ULK4: variants seen among roughly 807,000 people sequenced by gnomAD.
ULK4 encodes the protein inactive serine/threonine-protein kinase ULK4.
Under a neutral mutation model 160.6 loss-of-function variants are expected in ULK4, and 133 were observed. The ratio of observed to expected loss-of-function variants is 0.83; its 90% CI spans 0.72 to 0.96. ULK4 has a LOEUF of 0.96. Among genes scored for constraint, ULK4 ranks in the 40% least tolerant of loss-of-function variants. ULK4 has a pLI of 0.00. For missense variants in ULK4, 1,580 were observed against 1,499.5 expected, an observed-to-expected ratio of 1.05 and a Z score of -0.89; for synonymous variants, 534 against 539.8, an observed-to-expected ratio of 0.99 and a Z score of 0.15.
chr3:41,664,018 TAC>T (rs2035273032), intron 29 of ULK4, among the ~76,000 whole-genome samples: 1 of 152,156 alleles, frequency 6.6e-6, no homozygotes, highest in African/African-American at 2.4e-5. Context: ...CTGAAAAACA[TAC>T]AGACTCTGAA....
chr3:41,432,429 G>A (rs995191415), intron 34 of ULK4, among the ~76,000 whole-genome samples: 4 of 152,086 alleles, frequency 2.6e-5, no homozygotes, highest in Non-Finnish European at 5.9e-5. Flanking sequence ...TGCTTTTTCT[G>A]GAGGATCACA....
intron 34 of ULK4, among the ~76,000 whole-genome samples, chr3:41,452,734 A>G (rs1471183363): frequency 1.3e-5 from 2 of 152,128 alleles, no homozygotes. Context: ...TAGGATGAAA[A>G]GGCAAAAAGT....
chr3:41,611,897 T>C lies in ULK4; in HGVS notation c.3120+3772A>G, dbSNP rs138950902. 1.6e-4 allele frequency among the ~76,000 whole-genome samples: 25 copies of C among 152,212 alleles called. No homozygotes were observed. The Middle Eastern group carries it at 0.017, about 104-fold the overall frequency. ...CTTTACCCTCATTTCCTACCATTTC[T>C]CCATGGTCCAGGCTCCCTGTACTTG... On this transcript the variant is annotated intron_variant, in intron 31 of 36. Coordinates refer to ENST00000301831, the MANE Select transcript of ULK4 (RefSeq NM_017886.4).
At chr3:41,306,949 C>A (rs1429511476) in intron 35 of ULK4, among the ~76,000 whole-genome samples, 1 of 151,028 alleles carries the variant, frequency 6.6e-6, no homozygotes, top group Non-Finnish European at 1.5e-5. Context: ...TTGAAGGCAG[C>A]ATGCTCGTTA....
intron 20 of ULK4, among the ~76,000 whole-genome samples, chr3:41,790,552 T>C (rs1225473015): frequency 6.6e-6 from 1 of 152,160 alleles, no homozygotes; most frequent in Non-Finnish European, 1.5e-5. Flanking sequence ...ATAAAGAAGA[T>C]GACGCTGAGC....
At chr3:41,486,437 T>C (rs948243873) in intron 32 of ULK4, among the ~76,000 whole-genome samples, 2 of 152,166 alleles carry the variant, frequency 1.3e-5, no homozygotes, top group African/African-American at 4.8e-5. Flanking sequence ...GAGCTTGCTA[T>C]AGCAAGAGAA....
intron 5 of ULK4, among the ~76,000 whole-genome samples, chr3:41,930,148 C>G (rs185719450): frequency 6.6e-6 from 1 of 152,098 alleles, no homozygotes; most frequent in African/African-American, 2.4e-5. Flanking sequence ...ATATATAGAT[C>G]AATGGAACAG....
At chr3:41,547,987 C>A (rs1482041060) in intron 32 of ULK4, among the ~76,000 whole-genome samples, 3 of 152,146 alleles carry the variant, frequency 2.0e-5, no homozygotes, top group Non-Finnish European at 4.4e-5. Context: ...CTGTACTCAC[C>A]CCTACCCCCA....
chr3:41,831,532 T>TATATATATATA (rs577123829), intron 18 of ULK4, among the ~76,000 whole-genome samples: 6 of 125,880 alleles, frequency 4.8e-5, no homozygotes, highest in Admixed American at 2.2e-4. Flanking sequence ...TATATATATA[T>TATATATATATA]TTTTTTTTCT....
intron 25 of ULK4, among the ~76,000 whole-genome samples, chr3:41,710,200 C>A (rs1365186559): frequency 1.3e-5 from 2 of 152,052 alleles, no homozygotes; most frequent in African/African-American, 4.8e-5. Context: ...CTACCTTATA[C>A]TTCCCCTATT....
intron 30 of ULK4, among the ~76,000 whole-genome samples, chr3:41,631,265 G>A (rs2033732159): frequency 6.6e-6 from 1 of 152,178 alleles, no homozygotes; most frequent in South Asian, 2.1e-4. Context: ...AGCAGCGTTA[G>A]TATAAATAAA....
intron 22 of ULK4, among the ~76,000 whole-genome samples, chr3:41,734,896 C>T (rs1277946666): frequency 6.6e-6 from 1 of 152,152 alleles, no homozygotes; most frequent in Non-Finnish European, 1.5e-5. Context: ...AAGGAAAACG[C>T]TGACCAGTGA....
intron 21 of ULK4, among the ~76,000 whole-genome samples, chr3:41,780,211 G>C (rs2039785613): frequency 6.6e-6 from 1 of 151,830 alleles, no homozygotes; most frequent in South Asian, 2.1e-4. Flanking sequence ...CACCCTGGAA[G>C]GTGGAAAGAC....
chr3:41,348,943 C>T (rs1238181592), intron 35 of ULK4, among the ~76,000 whole-genome samples: 3 of 152,136 alleles, frequency 2.0e-5, no homozygotes, highest in Admixed American at 2.0e-4. Flanking sequence ...TCACTTAGAA[C>T]CAGGTCTCCA....
intron 35 of ULK4, among the ~76,000 whole-genome samples, chr3:41,339,447 G>T (rs2080635702): frequency 6.6e-6 from 1 of 152,132 alleles, no homozygotes; most frequent in South Asian, 2.1e-4. Context: ...GTGGAATCAG[G>T]ATGAAGCCAC....
At chr3:41,472,997 AG>A (rs2084031958) in intron 32 of ULK4, among the ~76,000 whole-genome samples, 1 of 152,234 alleles carries the variant, frequency 6.6e-6, no homozygotes, top group African/African-American at 2.4e-5. Flanking sequence ...ATAAGAATGA[AG>A]GAAAAAAATT....
chr3:41,648,543 A>C (rs187765466), intron 30 of ULK4, among the ~76,000 whole-genome samples: 1 of 152,216 alleles, frequency 6.6e-6, no homozygotes, highest in African/African-American at 2.4e-5. Flanking sequence ...TGTCTGCCCA[A>C]TTGATAGACC....
intron 18 of ULK4, among the ~76,000 whole-genome samples, chr3:41,831,959 T>C (rs2041605467): frequency 6.6e-6 from 1 of 152,198 alleles, no homozygotes; most frequent in African/African-American, 2.4e-5. Flanking sequence ...TTGATGGGCA[T>C]TTGGGTTGGT....
At chr3:41,566,701 A>C (rs2125604228) in intron 31 of ULK4, among the ~76,000 whole-genome samples, 1 of 152,340 alleles carries the variant, frequency 6.6e-6, no homozygotes, top group African/African-American at 2.4e-5. Flanking sequence ...GTTATTCTTC[A>C]GTTGCAATTT....
Sources: allele counts gnomAD v4.1 joint callset (sites outside exome capture counted in the v4.1 genomes callset), GRCh38; gene constraint gnomAD v4.1.1; transcripts MANE v1.5; gene names NCBI Gene and HGNC (gene_info 2026-07-23, HGNC 2026-07-21).